SNTB1: variants seen among roughly 807,000 people sequenced by gnomAD.
SNTB1 encodes beta-1-syntrophin.
SNTB1 carries 36 observed loss-of-function variants against 48.9 expected under a neutral mutation model. The observed-to-expected ratio is 0.74, with a 90% confidence interval of 0.56 to 0.97. The LOEUF (loss-of-function observed/expected upper bound fraction) is 0.97, where lower values mean the gene tolerates loss of function less well. SNTB1 is among the 50% of genes least tolerant of loss of function. The pLI, the probability that SNTB1 is intolerant of heterozygous loss-of-function variation, is 0.00. For synonymous variants in SNTB1, 299 were observed against 294.6 expected (o/e 1.01, Z -0.15); for missense variants, 786 against 703.4 (o/e 1.12, Z -1.33).
intron 2 of SNTB1, among the ~76,000 whole-genome samples, chr8:120,680,175 G>A (rs1257521454): frequency 5.3e-5 from 8 of 152,116 alleles, no homozygotes; most frequent in Non-Finnish European, 4.4e-5. Flanking sequence ...TCCTTCCTGC[G>A]AGGAAGACTC....
At chr8:120,639,694 T>C (rs908095662) in intron 2 of SNTB1, among the ~76,000 whole-genome samples, 1 of 152,152 alleles carries the variant, frequency 6.6e-6, no homozygotes, top group East Asian at 1.9e-4. Context: ...GTTGTAGATG[T>C]GTGGTATTAT....
intron 4 of SNTB1, among the ~76,000 whole-genome samples, chr8:120,555,084 T>A (rs1815544785): frequency 6.6e-6 from 1 of 152,196 alleles, no homozygotes; most frequent in Admixed American, 6.5e-5. Context: ...ATAAGATGCA[T>A]ATGTCAAAGC....
intron 1 of SNTB1, among the ~76,000 whole-genome samples, chr8:120,695,110 A>G (rs1039905122): frequency 1.3e-5 from 2 of 152,086 alleles, no homozygotes; most frequent in African/African-American, 2.4e-5. Context: ...TCTTCTCTCT[A>G]TCACCCACAT....
intron 1 of SNTB1, among the ~76,000 whole-genome samples, chr8:120,703,708 C>A (rs1818340607): frequency 6.6e-6 from 1 of 152,190 alleles, no homozygotes; most frequent in Non-Finnish European, 1.5e-5. Context: ...TATACAAATA[C>A]ACCAGTCTGG....
intron 1 of SNTB1, among the ~76,000 whole-genome samples, chr8:120,761,042 T>C (rs1819410598): frequency 6.6e-6 from 1 of 152,012 alleles, no homozygotes. Flanking sequence ...GCAAAGACTA[T>C]AAACAAGGAA....
chr8:120,631,330 C>T (rs571995199), intron 3 of SNTB1, among the ~76,000 whole-genome samples: 85 of 152,284 alleles, frequency 5.6e-4, no homozygotes, highest in Non-Finnish European at 8.2e-4. Context: ...TTGTCCCTTT[C>T]GTTCTTTGAA....
At chr8:120,597,704 C>T (rs547938367) in intron 3 of SNTB1, among the ~76,000 whole-genome samples, 4 of 152,298 alleles carry the variant, frequency 2.6e-5, no homozygotes, top group South Asian at 2.1e-4. Flanking sequence ...TGGAAGGAGG[C>T]GGAGCCAATG....
At chr8:120,599,093 C>T (rs1453190264) in intron 3 of SNTB1, among the ~76,000 whole-genome samples, 1 of 152,114 alleles carries the variant, frequency 6.6e-6, no homozygotes, top group Admixed American at 6.6e-5. Context: ...TTCGGGCTAC[C>T]ACAGGGCTCT....
chr8:120,555,275 G>A (rs944054729), intron 4 of SNTB1, among the ~76,000 whole-genome samples: 1 of 152,180 alleles, frequency 6.6e-6, no homozygotes, highest in African/African-American at 2.4e-5. Context: ...ATAGAGACAG[G>A]GGTCTCCGAG....
At chr8:120,551,084 C>T (rs552123068) in intron 4 of SNTB1, among the ~76,000 whole-genome samples, 70 of 151,910 alleles carry the variant, frequency 4.6e-4, no homozygotes, top group Non-Finnish European at 7.4e-4. Flanking sequence ...GTGAAACCAA[C>T]GTCTGTACTA....
At position 120,548,698 on chromosome 8, in the gene SNTB1, C is replaced by A; in HGVS notation, c.1333+64G>T. 3.4e-6 allele frequency: 5 copies of A among 1,467,384 alleles called. 1 individual carries two copies. In the South Asian group the frequency reaches 5.8e-5, roughly 17 times the overall value. The allele number at this position is 1,467,384 out of a possible 1,614,324, so 90.9% of individuals were successfully genotyped here. ...AGTGATGAAAACTACTTTAAGGCCC[C>A]GGTGGAGTAGAGGGTTCATCTTCCC... On this transcript the variant is annotated intron_variant, in intron 5 of 6. Transcript: ENST00000517992.
intron 4 of SNTB1, among the ~76,000 whole-genome samples, chr8:120,566,910 GATTT>G (rs1347715246): frequency 1.1e-4 from 16 of 152,178 alleles, no homozygotes; most frequent in African/African-American, 2.4e-4. Context: ...CCTGTTGCAT[GATTT>G]ATTTGTCAGG....
chr8:120,560,881 A>G (rs1367892132), intron 4 of SNTB1, among the ~76,000 whole-genome samples: 1 of 152,206 alleles, frequency 6.6e-6, no homozygotes, highest in Non-Finnish European at 1.5e-5. Flanking sequence ...CAAGGAATCC[A>G]TGGTTCTATT....
chr8:120,707,459 G>A (rs1818396303), intron 1 of SNTB1, among the ~76,000 whole-genome samples: 1 of 152,148 alleles, frequency 6.6e-6, no homozygotes, highest in South Asian at 2.1e-4. Context: ...GCCTAAGCAA[G>A]CTTTAAGGTT....
chr8:120,719,745 A>G (rs1563579635), intron 1 of SNTB1, among the ~76,000 whole-genome samples: 2 of 152,162 alleles, frequency 1.3e-5, no homozygotes, highest in Admixed American at 6.5e-5. Flanking sequence ...GGATGTAGGG[A>G]AAGAGAGACA....
At chr8:120,767,659 C>T (rs887139375) in intron 1 of SNTB1, among the ~76,000 whole-genome samples, 1 of 152,170 alleles carries the variant, frequency 6.6e-6, no homozygotes, top group Non-Finnish European at 1.5e-5. Flanking sequence ...GTTCTTCTTC[C>T]TCCTCATCTG....
intron 2 of SNTB1, among the ~76,000 whole-genome samples, chr8:120,670,191 T>C (rs1817736817): frequency 6.6e-6 from 1 of 152,110 alleles, no homozygotes; most frequent in African/African-American, 2.4e-5. Flanking sequence ...GGATTCATAG[T>C]TTGGTGGAGG....
chr8:120,723,877 C>T (rs998379791), intron 1 of SNTB1, among the ~76,000 whole-genome samples: 2 of 152,178 alleles, frequency 1.3e-5, no homozygotes, highest in Admixed American at 6.5e-5. Flanking sequence ...GTGGCTCTTG[C>T]CACAGGGTGT....
intron 1 of SNTB1, among the ~76,000 whole-genome samples, chr8:120,783,908 C>G (rs1037790181): frequency 6.6e-6 from 1 of 152,098 alleles, no homozygotes; most frequent in African/African-American, 2.4e-5. Context: ...TTAGATTGTA[C>G]TAGGTATTAT....
Sources: gnomAD v4.1 joint callset for allele counts (sites outside exome capture counted in the v4.1 genomes callset) on GRCh38, gnomAD v4.1.1 for gene constraint, MANE v1.5 for transcripts, NCBI Gene and HGNC (gene_info 2026-07-23, HGNC 2026-07-21) for gene names.